The following KHDRBS2 variants were observed in gnomAD, a reference collection of about 807,000 sequenced individuals.
The protein encoded by KHDRBS2 is KH domain-containing, RNA-binding, signal transduction-associated protein 2.
In KHDRBS2, 26 loss-of-function variants were observed where a neutral mutation model predicts 44.3. The observed-to-expected ratio is 0.59, with a 90% CI of 0.43 to 0.81. KHDRBS2 has a LOEUF of 0.81. Among genes scored for constraint, KHDRBS2 ranks in the 40% least tolerant of loss-of-function variants. KHDRBS2 has a pLI of 0.00. For synonymous variants in KHDRBS2, 194 were observed against 151.1 expected (o/e 1.28, Z -2.08); for missense variants, 476 against 433.1 (o/e 1.10, Z -0.88).
the KHDRBS2 span, among the ~76,000 whole-genome samples, chr6:61,659,365 T>G: frequency 6.6e-6 from 1 of 151,764 alleles, no homozygotes; most frequent in Non-Finnish European, 1.5e-5. Context: ...ATGTCAGAGC[T>G]GGAGAGGCCT....
chr6:61,856,668 G>A (rs1796198703), intron 6 of KHDRBS2, among the ~76,000 whole-genome samples: 1 of 151,902 alleles, frequency 6.6e-6, no homozygotes, highest in African/African-American at 2.4e-5. Flanking sequence ...AGATGTAGAA[G>A]GTCTGTTTCC....
chr6:61,580,053 A>G, the KHDRBS2 span, among the ~76,000 whole-genome samples: 1 of 152,164 alleles, frequency 6.6e-6, no homozygotes, highest in African/African-American at 2.4e-5. Flanking sequence ...GCAAAACTCC[A>G]TCTCAAAGAA....
chr6:61,954,432 CATGCATACATATATACGTATGTATGT>C (rs1765581649), intron 4 of KHDRBS2, among the ~76,000 whole-genome samples: 6 of 55,912 alleles, frequency 1.1e-4, no homozygotes, highest in South Asian at 5.3e-4. Context: ...CGTATGTATG[CATGCATACATATATACGTATGTATGT>C]ATGTATACGT....
chr6:61,837,309 T>C (rs187071103), intron 6 of KHDRBS2, among the ~76,000 whole-genome samples: 73 of 152,146 alleles, frequency 4.8e-4, no homozygotes, highest in African/African-American at 1.6e-3. Flanking sequence ...TGAATATGAA[T>C]GATTTTGCAT....
chr6:61,907,800 T>C (rs1805297560), intron 4 of KHDRBS2, among the ~76,000 whole-genome samples: 1 of 152,234 alleles, frequency 6.6e-6, no homozygotes, highest in Non-Finnish European at 1.5e-5. Flanking sequence ...AGTCTAACTT[T>C]GAATTAATCT....
intron 6 of KHDRBS2, among the ~76,000 whole-genome samples, chr6:61,883,957 A>G (rs1375204351): frequency 6.6e-6 from 1 of 152,088 alleles, no homozygotes; most frequent in Non-Finnish European, 1.5e-5. Flanking sequence ...GCTATTACAC[A>G]AAAAGCCACA....
At chr6:61,725,182 G>A (rs1299007377) in intron 7 of KHDRBS2, among the ~76,000 whole-genome samples, 2 of 152,072 alleles carry the variant, frequency 1.3e-5, no homozygotes, top group South Asian at 4.1e-4. Flanking sequence ...CATGGAAATT[G>A]AACAACTGAT....
intron 6 of KHDRBS2, among the ~76,000 whole-genome samples, chr6:61,822,318 G>C (rs1790052026): frequency 6.6e-6 from 1 of 151,964 alleles, no homozygotes; most frequent in Non-Finnish European, 1.5e-5. Flanking sequence ...TCCAAGTCAA[G>C]AAGACTGAAC....
At chr6:61,590,814 C>T in the KHDRBS2 span, among the ~76,000 whole-genome samples, 2 of 152,244 alleles carry the variant, frequency 1.3e-5, no homozygotes, top group East Asian at 3.9e-4. Context: ...AAAGTCCAGA[C>T]TTTTGATGAT....
At chr6:61,847,772 A>G (rs530281795) in intron 6 of KHDRBS2, among the ~76,000 whole-genome samples, 28 of 152,114 alleles carry the variant, frequency 1.8e-4, no homozygotes, top group Non-Finnish European at 3.7e-4. Context: ...TTGGGAGAAT[A>G]TTTTATTTTT....
chr6:61,806,863 C>T (rs150107560), intron 6 of KHDRBS2, among the ~76,000 whole-genome samples: 7 of 152,012 alleles, frequency 4.6e-5, no homozygotes, highest in Non-Finnish European at 8.8e-5. Flanking sequence ...TGATGTACAA[C>T]ATAAAGTTTT....
intron 6 of KHDRBS2, among the ~76,000 whole-genome samples, chr6:61,892,930 C>T (rs1297378924): frequency 6.6e-6 from 1 of 152,008 alleles, no homozygotes; most frequent in African/African-American, 2.4e-5. Context: ...AGAGCTTCTG[C>T]ACAGCAAAAG....
chr6:61,735,112 C>T (rs1275262641), intron 6 of KHDRBS2, among the ~76,000 whole-genome samples: 1 of 150,838 alleles, frequency 6.6e-6, no homozygotes, highest in Non-Finnish European at 1.5e-5. Flanking sequence ...CTTTACACTG[C>T]CCCCCTACTC....
intron 6 of KHDRBS2, among the ~76,000 whole-genome samples, chr6:61,766,065 T>C (rs1779966327): frequency 6.6e-6 from 1 of 152,062 alleles, no homozygotes; most frequent in Admixed American, 6.6e-5. Context: ...TTAGTTCTTC[T>C]TTAAATGTTT....
At chr6:61,670,557 ATATAAT>A in the KHDRBS2 span, among the ~76,000 whole-genome samples, 5 of 151,540 alleles carry the variant, frequency 3.3e-5, no homozygotes. Context: ...TTCAAGCAAC[ATATAAT>A]TATAATTTTC....
rs369896575 is a variant in KHDRBS2, at chr6:62,068,077, T to C, written c.220-20083A>G. Among the ~76,000 whole-genome samples the C allele has an allele frequency of 1.3e-4, 19 of 151,682 alleles. 1 individual carries two copies. The highest frequency in any genetic ancestry group is 4.6e-4 in the African/African-American group (19 of 41,504). Reference sequence around the variant, plus strand: ...TTAGAAGTGAAATTGCTGGATTATATGGGAATTCTAAGTTTAACATTTTGA... The same window carrying C: ...TTAGAAGTGAAATTGCTGGATTATACGGGAATTCTAAGTTTAACATTTTGA... On this transcript the variant is annotated intron_variant, in intron 2 of 8. Transcript: ENST00000281156.
In KHDRBS2 at chr6:62,111,075, A is replaced by G. The variant is rs1482982045; in HGVS notation, c.220-63081T>C. Among the ~76,000 whole-genome samples the G allele has an allele frequency of 2.6e-5, 4 of 152,110 alleles. No homozygotes were observed. In the South Asian group the frequency reaches 8.3e-4, roughly 31 times the overall value. ...GGGAAACTGCTTATAACTTGTAACAACCAAGTTTAGAACTAGATCAATTGC... is the reference window on the plus strand; with the variant it reads ...GGGAAACTGCTTATAACTTGTAACAGCCAAGTTTAGAACTAGATCAATTGC... On this transcript the variant is annotated intron_variant, in intron 2 of 8. Transcript: ENST00000281156.
At chr6:61,675,345 T>C (rs528045331), downstream of KHDRBS2, among the ~76,000 whole-genome samples, 126 of 151,880 alleles carry the variant, frequency 8.3e-4, no homozygotes, top group African/African-American at 3.0e-3. Context: ...CAACTTTATT[T>C]AAAAACTGTT....
At chr6:61,616,557 T>A in the KHDRBS2 span, among the ~76,000 whole-genome samples, 1 of 147,838 alleles carries the variant, frequency 6.8e-6, no homozygotes, top group African/African-American at 2.4e-5. Flanking sequence ...TATTTGTAGA[T>A]GATCAAGTGA....
Sources: gnomAD v4.1 joint callset for allele counts (sites outside exome capture counted in the v4.1 genomes callset) on GRCh38, gnomAD v4.1.1 for gene constraint, MANE v1.5 for transcripts, NCBI Gene and HGNC (gene_info 2026-07-23, HGNC 2026-07-21) for gene names.